The following SORL1-AS1 variants were observed in gnomAD, a reference collection of about 807,000 sequenced individuals.
The protein encoded by SORL1-AS1 is SORL1 antisense RNA 1.
Position 121,452,642 on chromosome 11 carries a change from C to A in SORL1-AS1, n.339+33G>T, listed in dbSNP as rs527693108. 8.0e-5 allele frequency: 115 copies of A among 1,431,728 alleles called. 2 individuals are homozygous for A. In the South Asian group the frequency reaches 1.4e-3, roughly 18 times the overall value. 88.7% of individuals were successfully genotyped at this position (1,431,728 alleles called of 1,614,324 possible). On this transcript the variant is annotated intron_variant and non_coding_transcript_variant, in intron 1 of 1. Transcript: ENST00000501964. This position sits in a 1 kb window ranked among gnomAD's most constrained non-coding sequence, Gnocchi z 5.3. ...GTGAGCAGTTTTGCAACCCGCCTCCCTCCAGTTTTTTCCTCTCCCTGCACT... is the reference window on the plus strand; with the variant it reads ...GTGAGCAGTTTTGCAACCCGCCTCCATCCAGTTTTTTCCTCTCCCTGCACT...
intron 1 of SORL1-AS1, chr11:121,449,939 G>A (rs115683685): frequency 7.4e-4 from 113 of 152,332 alleles, no homozygotes; most frequent in African/African-American, 2.7e-3. Flanking sequence ...TTAGATAGGA[G>A]GGCTTGCAAG....
At chr11:121,438,352 T>G in the SORL1-AS1 span, among the ~76,000 whole-genome samples, 17 of 152,204 alleles carry the variant, frequency 1.1e-4, no homozygotes, top group African/African-American at 4.1e-4. Context: ...GCACAGACCT[T>G]AAGTGTATAA....
At position 121,450,109 on chromosome 11, in the gene SORL1-AS1, C is replaced by G. The variant is rs1254212135; in HGVS notation, n.340-210G>C. Among the ~76,000 whole-genome samples the G allele has an allele frequency of 1.3e-5, 2 of 152,170 alleles. No individual in the cohort carries two copies. Among genetic ancestry groups the G allele is most frequent in the African/African-American group, 4.8e-5 (2 of 41,442 alleles). On this transcript the variant is annotated intron_variant and non_coding_transcript_variant, in intron 1 of 1. Transcript: ENST00000501964. The surrounding 1 kb of genome is among the most constrained non-coding windows in gnomAD (Gnocchi z 5.2). ...GCAGTTTGTGTGGGCAAACAGATGC[C>G]CATCTTCAAATCCACACTTAGGAGA...
At chr11:121,439,091 T>C in the SORL1-AS1 span, among the ~76,000 whole-genome samples, 3 of 152,184 alleles carry the variant, frequency 2.0e-5, no homozygotes, top group East Asian at 1.9e-4. Context: ...TGTAGACATA[T>C]AGTTTCATTT....
At chr11:121,448,542 G>A (rs1047680615) in exon 2 of SORL1-AS1, 1 of 152,180 alleles carries the variant, frequency 6.6e-6, no homozygotes, top group Non-Finnish European at 1.5e-5. Flanking sequence ...GACTCAGAGA[G>A]GCCTGCTTTG....
chr11:121,439,323 C>G, the SORL1-AS1 span, among the ~76,000 whole-genome samples: 1 of 152,004 alleles, frequency 6.6e-6, no homozygotes, highest in Non-Finnish European at 1.5e-5. Flanking sequence ...TCCCTGACGA[C>G]CAACAACGCT....
At chr11:121,443,166 C>T (rs1860683317), downstream of SORL1-AS1, among the ~76,000 whole-genome samples, 1 of 152,172 alleles carries the variant, frequency 6.6e-6, no homozygotes, top group Non-Finnish European at 1.5e-5. Flanking sequence ...TAACAAGCTA[C>T]TAATGAAAAT....
downstream of SORL1-AS1, among the ~76,000 whole-genome samples, chr11:121,444,049 G>T (rs964206405): frequency 3.3e-5 from 5 of 152,058 alleles, no homozygotes; most frequent in Admixed American, 2.6e-4. Context: ...ATGTGTGATG[G>T]CCTCTAGCCT....
In SORL1-AS1 at chr11:121,452,282, G is replaced by A. The variant is rs1450670917; in HGVS notation, n.339+393C>T. 14 of 1,421,508 alleles carry A rather than the reference G, an allele frequency of 9.8e-6. No homozygotes were observed. Among genetic ancestry groups the A allele is most frequent in the Non-Finnish European group, 9.3e-6 (10 of 1,080,890 alleles). The allele number at this position is 1,421,508 out of a possible 1,614,324, so 88.1% of individuals were successfully genotyped here. On this transcript the variant is annotated intron_variant and non_coding_transcript_variant, in intron 1 of 1. Coordinates refer to ENST00000501964, the Ensembl canonical transcript of SORL1-AS1. This position sits in a 1 kb window ranked among gnomAD's most constrained non-coding sequence, Gnocchi z 5.3. ...CCAGCGGCTCTCCTGGCCTCGCGCT[G>A]CACATTCTCTCCTGGCGGCGGCGCC...
chr11:121,452,205 C>CGGAGCGGCGCGGGCGGCCT lies in SORL1-AS1; in HGVS notation n.339+451_339+469dup. Reference sequence around the variant, plus strand: ...CGGCGGCGGGCGCAGCGGGGCGGCCCGGAGCGGCGCGGGCGGCCTGGAGCC... The same window carrying CGGAGCGGCGCGGGCGGCCT: ...CGGCGGCGGGCGCAGCGGGGCGGCCCGGAGCGGCGCGGGCGGCCTGGAGCGGCGCGGGCGGCCTGGAGCC... On this transcript the variant is annotated intron_variant and non_coding_transcript_variant, in intron 1 of 1. Transcript: ENST00000501964. This position sits in a 1 kb window ranked among gnomAD's most constrained non-coding sequence, Gnocchi z 5.3. 1 of 519,384 alleles carries CGGAGCGGCGCGGGCGGCCT rather than the reference C, an allele frequency of 1.9e-6. No homozygotes were observed. Among genetic ancestry groups the CGGAGCGGCGCGGGCGGCCT allele is most frequent in the Non-Finnish European group, 2.5e-6 (1 of 394,044 alleles). 32.2% of individuals were successfully genotyped at this position (519,384 alleles called of 1,614,324 possible).
At chr11:121,438,873 A>G in the SORL1-AS1 span, among the ~76,000 whole-genome samples, 1 of 152,264 alleles carries the variant, frequency 6.6e-6, no homozygotes, top group South Asian at 2.1e-4. Context: ...TAAAAATACA[A>G]AAATTAGCCA....
downstream of SORL1-AS1, among the ~76,000 whole-genome samples, chr11:121,444,559 C>T (rs913483734): frequency 2.0e-5 from 3 of 152,140 alleles, no homozygotes; most frequent in African/African-American, 4.8e-5. Context: ...GCAGGTTAAG[C>T]GCATTTCAAT....
exon 2 of SORL1-AS1, chr11:121,447,709 C>T (rs1460139405): frequency 6.6e-6 from 1 of 152,026 alleles, no homozygotes; most frequent in African/African-American, 2.4e-5. Flanking sequence ...GTATAGAAAA[C>T]AGGACTGGAC....
chr11:121,442,528 A>G (rs1006647590), downstream of SORL1-AS1, among the ~76,000 whole-genome samples: 1 of 151,554 alleles, frequency 6.6e-6, no homozygotes, highest in Non-Finnish European at 1.5e-5. Flanking sequence ...CCAGCTACTC[A>G]GGAGGCTGAG....
chr11:121,438,611 T>C, the SORL1-AS1 span, among the ~76,000 whole-genome samples: 2 of 152,274 alleles, frequency 1.3e-5, no homozygotes, highest in African/African-American at 4.8e-5. Flanking sequence ...ATCTACGTTG[T>C]TGTATGCATT....
the SORL1-AS1 span, among the ~76,000 whole-genome samples, chr11:121,442,324 G>A: frequency 2.0e-5 from 3 of 152,172 alleles, no homozygotes; most frequent in Non-Finnish European, 4.4e-5. Flanking sequence ...CAAGGACACA[G>A]GAAGAGCTAG....
rs1860806423 is a variant in SORL1-AS1, at chr11:121,452,212, G to C, written n.339+463C>G. The C allele has an allele frequency of 1.6e-6, 1 of 618,658 alleles. No individual in the cohort carries two copies. Among genetic ancestry groups the C allele is most frequent in the East Asian group, 6.8e-5 (1 of 14,670 alleles). The allele number at this position is 618,658 out of a possible 1,614,324, so 38.3% of individuals were successfully genotyped here. A position where few individuals can be genotyped will look rare whatever the true frequency, so the allele number is the denominator to read the frequency against. ...GGGCGCAGCGGGGCGGCCCGGAGCG[G>C]CGCGGGCGGCCTGGAGCCCCGGGAG... is the stretch of plus-strand genomic sequence containing the variant. On this transcript the variant is annotated intron_variant and non_coding_transcript_variant, in intron 1 of 1. Transcript: ENST00000501964. This position sits in a 1 kb window ranked among gnomAD's most constrained non-coding sequence, Gnocchi z 5.3.
chr11:121,448,438 T>A (rs1324922839), exon 2 of SORL1-AS1: 2 of 152,184 alleles, frequency 1.3e-5, no homozygotes, highest in Non-Finnish European at 2.9e-5. Flanking sequence ...ATGGTAGTTA[T>A]TTGGCCAAAG....
exon 2 of SORL1-AS1, chr11:121,448,643 C>G (rs928284691): frequency 6.6e-6 from 1 of 152,132 alleles, no homozygotes; most frequent in African/African-American, 2.4e-5. Flanking sequence ...GCCACCAGGA[C>G]AAAGGTGGTG....
Sources: gnomAD v4.1 joint callset for allele counts (sites outside exome capture counted in the v4.1 genomes callset) on GRCh38, gnomAD v4.1.1 for gene constraint, Gnocchi (gnomAD v3.1) non-coding constraint, MANE v1.5 for transcripts, NCBI Gene and HGNC (gene_info 2026-07-23, HGNC 2026-07-21) for gene names.